Variants in MED12L observed in about 807,000 individuals in gnomAD.
The protein encoded by MED12L is mediator of RNA polymerase II transcription subunit 12-like protein.
MED12L carries 60 observed loss-of-function variants against 281.3 expected under a neutral mutation model. The ratio of observed to expected loss-of-function variants is 0.21; its 90% CI spans 0.17 to 0.26. The LOEUF (loss-of-function observed/expected upper bound fraction) is 0.26. Ranked by LOEUF, MED12L falls within the 10% of genes least tolerant of loss-of-function variation. The pLI is 1.00. For synonymous variants in MED12L, 974 were observed against 987.2 expected (o/e 0.99, Z 0.25); for missense variants, 2,146 against 2,680.9 (o/e 0.80, Z 4.41).
rs781189882 is a variant in MED12L at position 151,188,403 on chromosome 3, C to G, written c.1676C>G (p.Ser559Cys). Residue 559 changes from serine to cysteine, a missense_variant, in exon 13 of 45, where the codon TCC (serine) becomes TGC (cysteine). Around this residue, in one of 9 missense-constraint regions of MED12L, gnomAD observed 722 missense variants for 861.2 expected, o/e 0.84. Transcript: ENST00000687756. ...GATGAGAAGGAGTCTATTTCTTCAT[C>G]CTCTCTTGCTGGATCCAGTTTGCCT... ...VLDEKESISS[S>C]SLAGSSLPVF... 6.2e-7 allele frequency: 1 copy of G among 1,611,226 alleles called. No homozygotes were observed. The highest frequency in any genetic ancestry group is 8.5e-7 in the Non-Finnish European group (1 of 1,177,524).
At chr3:151,366,226 T>G (rs545146856) in intron 23 of MED12L, among the ~76,000 whole-genome samples, 2 of 152,328 alleles carry the variant, frequency 1.3e-5, no homozygotes, top group African/African-American at 4.8e-5. Context: ...GGCCAAGAAT[T>G]TCTTTGTTTC....
chr3:151,252,463 C>T (rs1469717983), intron 16 of MED12L, among the ~76,000 whole-genome samples: 2 of 152,038 alleles, frequency 1.3e-5, no homozygotes, highest in Non-Finnish European at 2.9e-5. Flanking sequence ...ATTGGGTGAG[C>T]TGTTGAGAGC....
At chr3:151,338,510 A>C in intron 16 of MED12L, 2 of 1,613,994 alleles carry the variant, frequency 1.2e-6, no homozygotes. Context: ...CCAGGAATGA[A>C]ATACTGATAT....
chr3:151,399,386 G>A (rs1460099640), intron 39 of MED12L, among the ~76,000 whole-genome samples: 1 of 152,132 alleles, frequency 6.6e-6, no homozygotes, highest in Non-Finnish European at 1.5e-5. Flanking sequence ...TAAAATAAAA[G>A]CATATCAAAT....
At chr3:151,364,281 C>G (rs1396675235) in intron 21 of MED12L, among the ~76,000 whole-genome samples, 1 of 152,190 alleles carries the variant, frequency 6.6e-6, no homozygotes, top group Non-Finnish European at 1.5e-5. Context: ...ATATCTGATT[C>G]AGACGTAACT....
chr3:151,368,765 T>A (rs1163612432), intron 25 of MED12L, among the ~76,000 whole-genome samples: 8 of 138,850 alleles, frequency 5.8e-5, no homozygotes, highest in South Asian at 4.6e-4. Context: ...ATTTCATTTT[T>A]TTTTTTTTTT....
At chr3:151,201,307 C>T (rs1725555531) in intron 16 of MED12L, among the ~76,000 whole-genome samples, 1 of 152,128 alleles carries the variant, frequency 6.6e-6, no homozygotes, top group Admixed American at 6.5e-5. Context: ...ACTTTGCTCT[C>T]AAAGCTTCCA....
At chr3:151,423,185 A>G (rs1560149731) in intron 43 of MED12L, among the ~76,000 whole-genome samples, 1 of 144,056 alleles carries the variant, frequency 6.9e-6, no homozygotes, top group Non-Finnish European at 1.5e-5. Context: ...ATGCCCAGCT[A>G]TTTTTTTTTT....
chr3:151,238,466 A>G (rs1177835705), intron 16 of MED12L, among the ~76,000 whole-genome samples: 1 of 152,204 alleles, frequency 6.6e-6, no homozygotes, highest in East Asian at 1.9e-4. Flanking sequence ...GGTTTTTAAA[A>G]TGTGGTCTGC....
At chr3:151,385,568 G>A (rs1298929843) in intron 36 of MED12L, among the ~76,000 whole-genome samples, 4 of 152,036 alleles carry the variant, frequency 2.6e-5, no homozygotes, top group Non-Finnish European at 4.4e-5. Flanking sequence ...TGAGCATGGT[G>A]GCACATGTCT....
chr3:151,220,851 A>T (rs1382824629), intron 16 of MED12L, among the ~76,000 whole-genome samples: 2 of 152,232 alleles, frequency 1.3e-5, no homozygotes, highest in African/African-American at 4.8e-5. Context: ...CACATTGCTG[A>T]AAAGGTATCT....
At chr3:151,321,637 A>G (rs1480235194) in intron 16 of MED12L, among the ~76,000 whole-genome samples, 1 of 152,228 alleles carries the variant, frequency 6.6e-6, no homozygotes, top group Non-Finnish European at 1.5e-5. Flanking sequence ...ATAAAGGTGG[A>G]CATTCTGTTA....
At chr3:151,327,815 A>T (rs1285484896) in intron 16 of MED12L, 2 of 451,262 alleles carry the variant, frequency 4.4e-6, no homozygotes, top group Non-Finnish European at 7.8e-6. Context: ...GTAATGGTTC[A>T]TTCAGCTTAT....
At chr3:151,231,026 C>T (rs749783548) in intron 16 of MED12L, among the ~76,000 whole-genome samples, 9 of 152,034 alleles carry the variant, frequency 5.9e-5, no homozygotes, top group Non-Finnish European at 7.4e-5. Context: ...ACACAGAAGC[C>T]GACTTGAGGG....
intron 12 of MED12L, chr3:151,188,145 G>C (rs1017404688): frequency 2.9e-6 from 1 of 341,964 alleles, no homozygotes; most frequent in East Asian, 4.8e-5. Context: ...GTCTGATCTC[G>C]GAAGCTAAGC....
In MED12L at chr3:151,162,218, A is replaced by G. The variant is rs564095119; in HGVS notation, c.1108-1675A>G. ...AGAGGGCTTTGGAATCAAGGACACA[A>G]GGAAGGGCTCTGTCAGGAGGAGTTG... On this transcript the variant is annotated intron_variant, in intron 8 of 44. Coordinates refer to ENST00000687756, the MANE Select transcript of MED12L (RefSeq NM_001393769.1). Among the ~76,000 whole-genome samples the G allele has an allele frequency of 3.3e-5, 5 of 152,242 alleles. No homozygotes were observed. In the East Asian group the frequency reaches 9.7e-4, roughly 29 times the overall value.
At chr3:151,367,095 T>A (rs1018785310) in intron 23 of MED12L, among the ~76,000 whole-genome samples, 5 of 126,740 alleles carry the variant, frequency 3.9e-5, no homozygotes, top group African/African-American at 1.6e-4. Flanking sequence ...TCACTGTGAC[T>A]GAATTAATTT....
In MED12L at chr3:151,090,859, G is replaced by A. The variant is rs567494886; in HGVS notation, c.99+3834G>A. Among the ~76,000 whole-genome samples, 9 of 152,208 alleles carry A rather than the reference G, an allele frequency of 5.9e-5. No individual in the cohort carries two copies. The East Asian group carries it at 1.7e-3, about 29-fold the overall frequency. ...GTTCGAGACCAGCCTTAACAACATG[G>A]TGAAACCCCGTCTCTACTAAAAAAT... On this transcript the variant is annotated intron_variant, in intron 2 of 44. Transcript: ENST00000687756.
intron 8 of MED12L, among the ~76,000 whole-genome samples, chr3:151,162,628 G>A (rs1393894864): frequency 1.3e-5 from 2 of 151,992 alleles, no homozygotes; most frequent in Non-Finnish European, 2.9e-5. Flanking sequence ...TCTTAGAGAT[G>A]GGGTTTCACT....
Sources: allele counts gnomAD v4.1 joint callset (sites outside exome capture counted in the v4.1 genomes callset), GRCh38; gene constraint gnomAD v4.1.1; regional missense constraint gnomAD v4.1.1; transcripts MANE v1.5; gene names NCBI Gene and HGNC (gene_info 2026-07-23, HGNC 2026-07-21).